Variants in MDN1 observed in about 807,000 individuals in gnomAD.
MDN1 encodes midasin AAA ATPase 1.
A neutral mutation model predicts 669.2 loss-of-function variants in MDN1; 266 were observed. That is an observed-to-expected ratio of 0.40 (90% CI 0.36 to 0.44). The LOEUF (loss-of-function observed/expected upper bound fraction) is 0.44. Ranked by LOEUF, MDN1 falls within the 20% of genes least tolerant of loss-of-function variation. The probability of loss-of-function intolerance (pLI) is 1.00; values close to 1 mark genes in which losing one functional copy is unlikely to be tolerated. For missense variants in MDN1, 5,940 were observed against 6,754.0 expected (o/e 0.88, Z 4.22); for synonymous variants, 2,385 against 2,457.1 (o/e 0.97, Z 0.87).
Position 89,708,759 on chromosome 6 carries a change from G to A in MDN1, c.7766-131C>T, listed in dbSNP as rs532607995. 3.0e-5 allele frequency: 29 copies of A among 951,280 alleles called. No homozygotes were observed. In the African/African-American group the frequency reaches 4.7e-4, roughly 15 times the overall value. The allele number at this position is 951,280 out of a possible 1,614,324, so 58.9% of individuals were successfully genotyped here. ...TCATGATGGGGAAGAGGTTGAACCA[G>A]TAAATACCATGAGTTTCATCCCATA... On this transcript the variant is annotated intron_variant, in intron 50 of 101. Coordinates refer to ENST00000369393, the MANE Select transcript of MDN1 (RefSeq NM_014611.3).
chr6:89,731,009 G>T lies in MDN1; in HGVS notation c.4943-86C>A, dbSNP rs76623677. ...AGCAGGAGCTCTAGCACAGGTTCCC[G>T]GAAAAAAGAGGCCTCAGCAAAACTG... On this transcript the variant is annotated intron_variant, in intron 34 of 101. Coordinates refer to ENST00000369393, the MANE Select transcript of MDN1 (RefSeq NM_014611.3). 1.6e-3 allele frequency: 1,897 copies of T among 1,189,426 alleles called. 33 individuals carry two copies. The African/African-American group carries it at 0.026, about 16-fold the overall frequency. The allele number at this position is 1,189,426 out of a possible 1,614,324, so 73.7% of individuals were successfully genotyped here. A position where few individuals can be genotyped will look rare whatever the true frequency, so the allele number is the denominator to read the frequency against.
chr6:89,803,703 G>C, intron 1 of MDN1, 149 bp from the exon 2 acceptor site: 1 of 624,360 alleles, frequency 1.6e-6, no homozygotes. Context: ...TGCCCGAGCC[G>C]CCCAAGTAGC....
chr6:89,700,817 G>A lies in MDN1; in HGVS notation c.8467C>T (p.Leu2823Phe), dbSNP rs768026387. The change falls in exon 56 of 102, where the codon CTT becomes TTT. Residue 2823 changes from leucine (L) to phenylalanine (F), a missense_variant. Leu to Phe is a conservative substitution (Grantham distance 22, BLOSUM62 0). Coordinates refer to ENST00000369393, the MANE Select transcript of MDN1 (RefSeq NM_014611.3). The part of the protein sequence containing the change: ...VVECFSQLKV[L>F]NKVLAIREQM... ...TCCCTGATGGCAAGGACTTTGTTAA[G>A]GACCTTCAGTTGTGAAAAACACTCC... is the stretch of plus-strand genomic sequence containing the variant. 3.1e-6 allele frequency: 5 copies of A among 1,614,118 alleles called. No individual in the cohort carries two copies. The East Asian group carries it at 1.1e-4, about 36-fold the overall frequency.
intron 14 of MDN1, 37 bp from the exon 15 acceptor site, chr6:89,771,658 A>G (rs1176939164): frequency 3.9e-6 from 6 of 1,551,612 alleles, no homozygotes; most frequent in Non-Finnish European, 5.3e-6. Flanking sequence ...TACTCCAAAA[A>G]TTTAAAGACC....
chr6:89,728,826 T>G (rs777676130), intron 36 of MDN1, 105 bp downstream of exon 36: 33 of 1,211,776 alleles, frequency 2.7e-5, no homozygotes, highest in Non-Finnish European at 3.6e-5. Flanking sequence ...AAAGAAAAAT[T>G]TGAGGATACT....
At chr6:89,770,737 A>T (rs1818040454) in intron 15 of MDN1, among the ~76,000 whole-genome samples, 1 of 152,140 alleles carries the variant, frequency 6.6e-6, no homozygotes, top group African/African-American at 2.4e-5. Context: ...TCCTGACCTC[A>T]AGTGATTCAC....
rs560392164 is a variant in MDN1, at chr6:89,702,185, A to G, written c.8149-124T>C. Reference sequence around the variant, plus strand: ...CGGGAAAAGACACACAACATAGGCTATAATTGCTAATCAATGCTCAATTTA... The same window carrying G: ...CGGGAAAAGACACACAACATAGGCTGTAATTGCTAATCAATGCTCAATTTA... On this transcript the variant is annotated intron_variant, in intron 53 of 101. Coordinates refer to ENST00000369393, the MANE Select transcript of MDN1 (RefSeq NM_014611.3). 107 of 878,324 alleles carry G rather than the reference A, an allele frequency of 1.2e-4. 2 individuals carry two copies. In the South Asian group the frequency reaches 2.4e-3, roughly 20 times the overall value. The allele number at this position is 878,324 out of a possible 1,614,324, so 54.4% of individuals were successfully genotyped here.
In MDN1 at chr6:89,723,096, T is replaced by C. The variant is rs1584267872; in HGVS notation, c.5826A>G (p.Gly1942=). Residue 1942 remains glycine (G), a synonymous_variant, in exon 40 of 102, where the codon GGA becomes GGG. Coordinates refer to ENST00000369393, the MANE Select transcript of MDN1 (RefSeq NM_014611.3). ...GGTCCCGGAGGTTGAATTCCCAGGG[T>C]CCTCCTTTTTGCCCCCATTTCTTCT... is the stretch of plus-strand genomic sequence containing the variant. ...TVEKKWGQKG[G]PWEFNLRDLF... 2 of 1,614,040 alleles carry C rather than the reference T, an allele frequency of 1.2e-6. No homozygotes were observed. The highest frequency in any genetic ancestry group is 2.2e-5 in the East Asian group (1 of 44,880).
At chr6:89,810,651 T>A (rs543890632) in intron 1 of MDN1, among the ~76,000 whole-genome samples, 2 of 152,260 alleles carry the variant, frequency 1.3e-5, no homozygotes, top group Non-Finnish European at 2.9e-5. Flanking sequence ...AATATGTATT[T>A]CTGTCATCGC....
intron 53 of MDN1, among the ~76,000 whole-genome samples, chr6:89,704,486 G>A (rs2128310642): frequency 6.6e-6 from 1 of 152,330 alleles, no homozygotes; most frequent in East Asian, 1.9e-4. Flanking sequence ...TTATATTGAA[G>A]AATGAAATGT....
chr6:89,719,071 G>A, intron 41 of MDN1, 41 bp from the exon 42 acceptor site: 1 of 1,613,748 alleles, frequency 6.2e-7, no homozygotes, highest in Non-Finnish European at 8.5e-7. Flanking sequence ...AGCGTGCCTG[G>A]TAGTGGGAGC....
intron 2 of MDN1, chr6:89,797,790 A>G (rs935245686): frequency 3.4e-6 from 1 of 294,312 alleles, no homozygotes. Flanking sequence ...CAATAAAGGG[A>G]AAGTATGAGA....
At chr6:89,665,142 C>T (rs920749086) in intron 84 of MDN1, among the ~76,000 whole-genome samples, 6 of 152,080 alleles carry the variant, frequency 3.9e-5, no homozygotes, top group African/African-American at 9.7e-5. Flanking sequence ...AATCCTCTGC[C>T]TCAGCCTCCC....
chr6:89,673,114 A>T, intron 80 of MDN1, 122 bp downstream of exon 80: 1 of 838,616 alleles, frequency 1.2e-6, no homozygotes, highest in Non-Finnish European at 1.9e-6. Flanking sequence ...TCCCTGCCTC[A>T]GAACCCTGGA....
intron 1 of MDN1, among the ~76,000 whole-genome samples, chr6:89,809,215 CAAA>C (rs1167270500): frequency 1.7e-4 from 10 of 59,286 alleles, no homozygotes; most frequent in South Asian, 6.8e-4. Flanking sequence ...GACACTGTCT[CAAA>C]AAAAAAAAAA....
At chr6:89,654,688 C>T (rs190371857) in intron 92 of MDN1, among the ~76,000 whole-genome samples, 1 of 152,122 alleles carries the variant, frequency 6.6e-6, no homozygotes, top group East Asian at 1.9e-4. Flanking sequence ...GTGACTCTAA[C>T]AATAATTTAT....
Position 89,712,764 on chromosome 6 carries a change from T to G in MDN1, c.7241A>C (p.Lys2414Thr). 1 of 1,614,158 alleles carries G rather than the reference T, an allele frequency of 6.2e-7. No individual in the cohort carries two copies. Reference sequence around the variant, plus strand: ...ATGTGCTCGCAAAGAAGAAACATGTTTCTCCAGTAAAGCCTGTACAAGCTG... The same window carrying G: ...ATGTGCTCGCAAAGAAGAAACATGTGTCTCCAGTAAAGCCTGTACAAGCTG... ...NRKLVQALLEKHVSSLRAHET... is the reference protein window; with the variant it reads ...NRKLVQALLETHVSSLRAHET... Residue 2414 changes from lysine (K) to threonine (T), a missense_variant, in exon 48 of 102, where the codon AAA becomes ACA. This residue lies in a region of MDN1 where 2,292 missense variants were observed against 2,638.3 expected (regional missense o/e 0.87). Transcript: ENST00000369393.
At position 89,745,584 on chromosome 6, in the gene MDN1, A is replaced by G; in HGVS notation, c.3947T>C (p.Ile1316Thr). The G allele has an allele frequency of 6.2e-7, 1 of 1,614,134 alleles. No homozygotes were observed. The highest frequency in any genetic ancestry group is 8.5e-7 in the Non-Finnish European group (1 of 1,180,026). The change falls in exon 28 of 102, where the codon ATT becomes ACT. Residue 1316 changes from isoleucine (I) to threonine (T), a missense_variant. By Grantham distance (89) the Ile-to-Thr change is moderately conservative. Around this residue, in one of 5 missense-constraint regions of MDN1, gnomAD observed 2,292 missense variants for 2,638.3 expected, o/e 0.87. Transcript: ENST00000369393. ...CTCAAGGACTTCTTGAATCACATCA[A>G]TTTCCTCCTGCTTCCTGACTCGACC... ...LAGRVRKQEE[I>T]DVIQEVLEKH... is the part of the protein sequence containing the mutation.
chr6:89,761,165 C>CA (rs956946775), intron 17 of MDN1, among the ~76,000 whole-genome samples: 24 of 145,466 alleles, frequency 1.6e-4, no homozygotes, highest in African/African-American at 2.5e-4. Context: ...GACTCTGTCT[C>CA]AAAAAAAAAG....
Sources: gnomAD v4.1 joint callset for allele counts (sites outside exome capture counted in the v4.1 genomes callset) on GRCh38, gnomAD v4.1.1 for gene constraint, gnomAD v4.1.1 regional missense constraint, MANE v1.5 for transcripts, NCBI Gene and HGNC (gene_info 2026-07-23, HGNC 2026-07-21) for gene names.